SOX5: variants seen among roughly 807,000 people sequenced by gnomAD.
SOX5 encodes SRY-box transcription factor 5, also known as transcription factor SOX-5.
Under a neutral mutation model 92.0 loss-of-function variants are expected in SOX5, and 9 were observed. The ratio of observed to expected loss-of-function variants is 0.10; its 90% CI spans 0.06 to 0.17. The LOEUF is 0.17. Among genes scored for constraint, SOX5 ranks in the 10% least tolerant of loss-of-function variants. The pLI is 1.00. For synonymous variants in SOX5, 344 were observed against 336.3 expected, an observed-to-expected ratio of 1.02 and a Z score of -0.25; for missense variants, 642 against 944.5, an observed-to-expected ratio of 0.68 and a Z score of 4.20.
At chr12:23,883,374 T>C (rs1213310416) in intron 2 of SOX5, among the ~76,000 whole-genome samples, 1 of 152,082 alleles carries the variant, frequency 6.6e-6, no homozygotes, top group Non-Finnish European at 1.5e-5. Context: ...TTTAGGTTAT[T>C]AAAAGGAAAA....
intron 4 of SOX5, among the ~76,000 whole-genome samples, chr12:24,077,625 T>C (rs1042286932): frequency 2.0e-5 from 3 of 151,718 alleles, no homozygotes; most frequent in African/African-American, 7.3e-5. Flanking sequence ...TATGCTTCGC[T>C]CTGGAAAGAA....
At chr12:24,416,256 T>A (rs1166396103) in intron 1 of SOX5, among the ~76,000 whole-genome samples, 1 of 152,224 alleles carries the variant, frequency 6.6e-6, no homozygotes, top group Non-Finnish European at 1.5e-5. Flanking sequence ...GCTCGGTCAG[T>A]CCTGGTTTAT....
chr12:23,747,063 T>A (rs2094009492), intron 4 of SOX5, among the ~76,000 whole-genome samples: 1 of 152,058 alleles, frequency 6.6e-6, no homozygotes, highest in Non-Finnish European at 1.5e-5. Flanking sequence ...TTTTGTAAAT[T>A]GCCCAGTCTC....
chr12:23,625,894 AC>A (rs2077719863), intron 8 of SOX5, among the ~76,000 whole-genome samples: 1 of 152,166 alleles, frequency 6.6e-6, no homozygotes, highest in East Asian at 1.9e-4. Context: ...GGCATGAGCC[AC>A]CGCGCCCGGC....
chr12:24,203,320 T>C (rs12370245), intron 4 of SOX5, among the ~76,000 whole-genome samples: 1 of 152,198 alleles, frequency 6.6e-6, no homozygotes. Context: ...CAGACTTTTA[T>C]GACATGTTTC....
intron 4 of SOX5, among the ~76,000 whole-genome samples, chr12:24,169,671 T>C (rs190326805): frequency 1.4e-3 from 215 of 152,266 alleles, no homozygotes; most frequent in Non-Finnish European, 2.6e-3. Flanking sequence ...TGAGAAGTAT[T>C]AAAAGTGTAG....
intron 7 of SOX5, among the ~76,000 whole-genome samples, chr12:23,657,495 C>T (rs541576846): frequency 6.6e-6 from 1 of 152,216 alleles, no homozygotes; most frequent in African/African-American, 2.4e-5. Context: ...CCATACTTTC[C>T]AATCAATCTT....
Position 24,287,604 on chromosome 12 carries a change from T to C in SOX5, c.-173-10292A>G, listed in dbSNP as rs950076013. Among the ~76,000 whole-genome samples, 43 of 149,528 alleles carry C rather than the reference T, an allele frequency of 2.9e-4. No individual in the cohort carries two copies. The South Asian group carries it at 8.3e-3, about 29-fold the overall frequency. The stretch of plus-strand genomic sequence containing the variant: ...TGATTCTCAAATCCTTTTTTTTTTT[T>C]TTTTTTTTTTTTTGCAGTGCCCCAG... On this transcript the variant is annotated intron_variant, in intron 2 of 4. Coordinates refer to the SOX5 transcript ENST00000446891.
intron 3 of SOX5, among the ~76,000 whole-genome samples, chr12:23,786,288 T>G (rs1421112103): frequency 6.6e-6 from 1 of 152,036 alleles, no homozygotes; most frequent in African/African-American, 2.4e-5. Context: ...TAATAGATTT[T>G]AGGCAGTAAG....
At chr12:24,227,898 T>A (rs1317492653) in intron 3 of SOX5, 1 of 152,246 alleles carries the variant, frequency 6.6e-6, no homozygotes, top group Non-Finnish European at 1.5e-5. Flanking sequence ...TTAAAGTCTC[T>A]GTAGTCACGA....
intron 2 of SOX5, among the ~76,000 whole-genome samples, chr12:24,345,182 AAATT>A (rs1953085386): frequency 6.6e-6 from 1 of 152,242 alleles, no homozygotes; most frequent in South Asian, 2.1e-4. Flanking sequence ...ATGGAAAACA[AAATT>A]AAATAAATTC....
intron 8 of SOX5, among the ~76,000 whole-genome samples, chr12:23,632,918 T>C (rs2072451265): frequency 6.6e-6 from 1 of 152,142 alleles, no homozygotes; most frequent in South Asian, 2.1e-4. Flanking sequence ...TGAGCCTTTA[T>C]TCCAAAAATA....
At chr12:24,182,979 G>T (rs1955661221) in intron 4 of SOX5, among the ~76,000 whole-genome samples, 1 of 152,128 alleles carries the variant, frequency 6.6e-6, no homozygotes, top group African/African-American at 2.4e-5. Flanking sequence ...CTCCCAAAGT[G>T]CTGGGATTAC....
rs56939628 is a variant in SOX5 at position 24,269,839 on chromosome 12, ATTTTTTTTTTT to A, written c.-77+7366_-77+7376del. Reference sequence around the variant, plus strand: ...GAATACAGGCATGTTCCACCATGCAATTTTTTTTTTTTTTTTTTTTTTTTTTTTGAGACAAG... The same window carrying A: ...GAATACAGGCATGTTCCACCATGCAATTTTTTTTTTTTTTTTTGAGACAAG... On this transcript the variant is annotated intron_variant, in intron 3 of 4. Coordinates refer to the SOX5 transcript ENST00000446891. Among the ~76,000 whole-genome samples the A allele has an allele frequency of 1.1e-3, 69 of 62,128 alleles. 1 individual carries two copies. The highest frequency in any genetic ancestry group is 0.022 in the Middle Eastern group (2 of 90). 40.8% of individuals were successfully genotyped at this position (62,128 alleles called of 152,430 possible). A position where few individuals can be genotyped will look rare whatever the true frequency, so the allele number is the denominator to read the frequency against.
chr12:24,013,560 G>T (rs1003247562), intron 4 of SOX5, among the ~76,000 whole-genome samples: 3 of 152,118 alleles, frequency 2.0e-5, no homozygotes, highest in African/African-American at 7.2e-5. Context: ...TGTGAAATTT[G>T]GTGATTTGTC....
rs112631594 is a variant in SOX5, at chr12:23,689,879, G to A, written c.811-24315C>T. On this transcript the variant is annotated intron_variant, in intron 6 of 14. Transcript: ENST00000451604. ...AATTCAGAAAAAATACATTTAAGACGCATTGCTGGCACTGAGGCTACCTGG... is the reference window on the plus strand; with the variant it reads ...AATTCAGAAAAAATACATTTAAGACACATTGCTGGCACTGAGGCTACCTGG... Among the ~76,000 whole-genome samples the A allele has an allele frequency of 9.1e-3, 1,390 of 152,224 alleles. 32 individuals carry two copies. The highest frequency in any genetic ancestry group is 0.032 in the African/African-American group (1,344 of 41,552).
chr12:23,724,345 ACTGT>A (rs2092997142), intron 6 of SOX5, among the ~76,000 whole-genome samples: 1 of 152,074 alleles, frequency 6.6e-6, no homozygotes, highest in Non-Finnish European at 1.5e-5. Context: ...AATAACACAA[ACTGT>A]CTGAATTCTT....
intron 4 of SOX5, among the ~76,000 whole-genome samples, chr12:24,098,493 A>C (rs887260836): frequency 6.6e-6 from 1 of 152,152 alleles, no homozygotes; most frequent in Non-Finnish European, 1.5e-5. Context: ...AATAGACTCC[A>C]CCTGTAAATT....
chr12:23,681,044 GT>G (rs1299049131), intron 6 of SOX5, among the ~76,000 whole-genome samples: 4 of 152,056 alleles, frequency 2.6e-5, no homozygotes, highest in Non-Finnish European at 5.9e-5. Flanking sequence ...TGGTGAACAT[GT>G]GACTAAATAC....
Sources: gnomAD v4.1 joint callset for allele counts (sites outside exome capture counted in the v4.1 genomes callset) on GRCh38, gnomAD v4.1.1 for gene constraint, MANE v1.5 for transcripts, NCBI Gene and HGNC (gene_info 2026-07-23, HGNC 2026-07-21) for gene names.